The following CACNA2D2 variants were observed in gnomAD, a reference collection of about 807,000 sequenced individuals.
The protein encoded by CACNA2D2 is calcium voltage-gated channel auxiliary subunit alpha2delta 2.
A neutral mutation model predicts 166.4 loss-of-function variants in CACNA2D2; 48 were observed. The observed-to-expected ratio is 0.29, with a 90% confidence interval of 0.23 to 0.37. The LOEUF is 0.37. CACNA2D2 is among the 10% of genes least tolerant of loss of function. The pLI, the probability that CACNA2D2 is intolerant of heterozygous loss-of-function variation, is 1.00. For missense variants in CACNA2D2, 1,122 were observed against 1,433.0 expected, an observed-to-expected ratio of 0.78 and a Z score of 3.50; for synonymous variants, 561 against 573.7, an observed-to-expected ratio of 0.98 and a Z score of 0.32.
intron 3 of CACNA2D2, among the ~76,000 whole-genome samples, chr3:50,410,713 C>G (rs1706970455): frequency 6.6e-6 from 1 of 152,202 alleles, no homozygotes; most frequent in African/African-American, 2.4e-5. Flanking sequence ...AAGTGGGACC[C>G]CTGTGACCAG....
At chr3:50,416,249 A>T (rs922188294) in intron 3 of CACNA2D2, 2 of 152,254 alleles carry the variant, frequency 1.3e-5, no homozygotes, top group African/African-American at 4.8e-5. Flanking sequence ...CCTGGAGGGT[A>T]GAGGGAATTT....
chr3:50,440,193 G>A (rs530400422), intron 2 of CACNA2D2, among the ~76,000 whole-genome samples: 6 of 152,320 alleles, frequency 3.9e-5, no homozygotes, highest in African/African-American at 1.2e-4. Context: ...CACCAGCCAC[G>A]AGACTGGGTG....
intron 2 of CACNA2D2, among the ~76,000 whole-genome samples, chr3:50,471,733 CG>C (rs145058037): frequency 0.088 from 13,325 of 152,210 alleles, 1,770 homozygotes; most frequent in African/African-American, 0.29. Flanking sequence ...CTGAGCCCCT[CG>C]AGAAAGTGGC....
At chr3:50,488,990 G>A (rs188951403) in intron 1 of CACNA2D2, among the ~76,000 whole-genome samples, 93 of 152,236 alleles carry the variant, frequency 6.1e-4, no homozygotes, top group Non-Finnish European at 1.1e-3. Context: ...ATGAGCCACC[G>A]CGCACGTCCT....
At chr3:50,435,111 G>A (rs1708248881) in intron 2 of CACNA2D2, among the ~76,000 whole-genome samples, 1 of 151,430 alleles carries the variant, frequency 6.6e-6, no homozygotes, top group African/African-American at 2.4e-5. Context: ...GTGGGCAGGT[G>A]CATGTGGCAG....
Position 50,365,261 on chromosome 3 carries a change from GC to G in CACNA2D2, c.3099-78del. 1.0e-6 allele frequency: 1 copy of G among 984,878 alleles called. No individual in the cohort carries two copies. The highest frequency in any genetic ancestry group is 1.4e-6 in the Non-Finnish European group (1 of 705,978). The allele number at this position is 984,878 out of a possible 1,614,324, so 61.0% of individuals were successfully genotyped here. ...CCCCCATCCTGCGGCCCCGCCCCCGGCCGCTCGGAGGCCCCGCCCCTTCCAT... is the reference window on the plus strand; with the variant it reads ...CCCCCATCCTGCGGCCCCGCCCCCGGCGCTCGGAGGCCCCGCCCCTTCCAT... On this transcript the variant is annotated intron_variant, in intron 35 of 37. Transcript: ENST00000424201. This position sits in a 1 kb window ranked among gnomAD's most constrained non-coding sequence, Gnocchi z 4.5.
intron 3 of CACNA2D2, among the ~76,000 whole-genome samples, chr3:50,434,088 C>T (rs561499816): frequency 7.9e-5 from 12 of 152,194 alleles, no homozygotes; most frequent in South Asian, 4.1e-4. Context: ...ACACAGAGCC[C>T]CAAGACTCCA....
Position 50,364,704 on chromosome 3 carries a change from G to A in CACNA2D2, c.3394C>T (p.Gln1132Ter). ...GAGGCGTGGACGAGGACTTGAGGCT[G>A]CGGCCGGGGCGGCAGGCCCAGGAGG... ...LLLLGLPPRP[Q>*]PQVLVHASRR... The change falls in exon 38 of 38, where the codon CAG (glutamine) becomes TAG (stop). Residue 1132 changes from glutamine (Q) to a stop codon, truncating the protein, a stop_gained. Transcript: ENST00000424201. LOFTEE classifies it high-confidence loss of function. The A allele has an allele frequency of 6.5e-7, 1 of 1,544,902 alleles. No individual in the cohort carries two copies. Among genetic ancestry groups the A allele is most frequent in the South Asian group, 1.2e-5 (1 of 84,154 alleles).
At chr3:50,370,981 C>T (rs1347234480) in intron 22 of CACNA2D2, among the ~76,000 whole-genome samples, 2 of 152,030 alleles carry the variant, frequency 1.3e-5, no homozygotes, top group Non-Finnish European at 2.9e-5. Context: ...CACAAACAGT[C>T]CAACCAGAGA....
chr3:50,419,256 A>G (rs759596420), intron 3 of CACNA2D2, among the ~76,000 whole-genome samples: 1 of 152,126 alleles, frequency 6.6e-6, no homozygotes, highest in African/African-American at 2.4e-5. Flanking sequence ...CTCCCTTCAG[A>G]GTTAGGGATG....
chr3:50,487,856 C>CTCAT (rs1402078523), intron 1 of CACNA2D2, among the ~76,000 whole-genome samples: 2 of 152,178 alleles, frequency 1.3e-5, no homozygotes, highest in Non-Finnish European at 2.9e-5. Flanking sequence ...CACTCACTCA[C>CTCAT]TCATTCATTC....
At chr3:50,493,444 G>A (rs1414278650) in intron 1 of CACNA2D2, among the ~76,000 whole-genome samples, 3 of 152,230 alleles carry the variant, frequency 2.0e-5, no homozygotes, top group African/African-American at 7.2e-5. Flanking sequence ...TAGTACCTGG[G>A]TCTGCAGATG....
At chr3:50,406,101 G>A (rs1320857586) in intron 3 of CACNA2D2, among the ~76,000 whole-genome samples, 3 of 151,752 alleles carry the variant, frequency 2.0e-5, no homozygotes, top group Admixed American at 2.0e-4. Flanking sequence ...CCCTGGTCTG[G>A]GATCACAGGT....
chr3:50,425,143 C>T (rs1707749957), intron 3 of CACNA2D2, among the ~76,000 whole-genome samples: 1 of 152,146 alleles, frequency 6.6e-6, no homozygotes, highest in South Asian at 2.1e-4. Context: ...AGGCGTAGAA[C>T]CCTGTGCCCT....
chr3:50,503,614 A>G lies in CACNA2D2; in HGVS notation c.-191T>C, dbSNP rs1424695118. 4 of 163,238 alleles carry G rather than the reference A, an allele frequency of 2.5e-5. No homozygotes were observed. The highest frequency in any genetic ancestry group is 3.6e-4 in the East Asian group (2 of 5,580). 10.1% of individuals were successfully genotyped at this position (163,238 alleles called of 1,614,324 possible). On this transcript the variant is annotated 5_prime_UTR_variant, in exon 1 of 38. Transcript: ENST00000424201. ...GGGCTGCGCGCTGCTATCTCCCTGCAGCGCTGGCTCCAAGCGCTCTGAGCG... is the reference window on the plus strand; with the variant it reads ...GGGCTGCGCGCTGCTATCTCCCTGCGGCGCTGGCTCCAAGCGCTCTGAGCG...
At chr3:50,372,309 C>T (rs1704692991) in intron 22 of CACNA2D2, among the ~76,000 whole-genome samples, 1 of 152,220 alleles carries the variant, frequency 6.6e-6, no homozygotes, top group Non-Finnish European at 1.5e-5. Flanking sequence ...TGTCCAGGCC[C>T]CTGGTCCCCA....
chr3:50,500,408 G>A (rs1698911300), intron 1 of CACNA2D2, among the ~76,000 whole-genome samples: 1 of 152,192 alleles, frequency 6.6e-6, no homozygotes, highest in African/African-American at 2.4e-5. Context: ...GGGGGCACTG[G>A]AGAACAGGGC....
In CACNA2D2 at chr3:50,375,635, C is replaced by T. The variant is rs1224616313; in HGVS notation, c.1907+9G>A. 6.2e-7 allele frequency: 1 copy of T among 1,612,892 alleles called. No homozygotes were observed. Among genetic ancestry groups the T allele is most frequent in the Admixed American group, 1.7e-5 (1 of 60,012 alleles). ...CCCTCTCTGCCCGCCCAGCCCTGGC[C>T]TCACTTACCTGTAGTTAGTGCTCCT... On this transcript the variant is annotated intron_variant, in intron 21 of 37. Transcript: ENST00000424201. The surrounding 1 kb of genome is among the most constrained non-coding windows in gnomAD (Gnocchi z 4.0).
chr3:50,445,859 A>C (rs1227612822), intron 2 of CACNA2D2, among the ~76,000 whole-genome samples: 1 of 152,108 alleles, frequency 6.6e-6, no homozygotes, highest in Non-Finnish European at 1.5e-5. Flanking sequence ...CCCAGTCCAT[A>C]GAGGTGCTCC....
Sources: allele counts gnomAD v4.1 joint callset (sites outside exome capture counted in the v4.1 genomes callset), GRCh38; gene constraint gnomAD v4.1.1; non-coding constraint Gnocchi (gnomAD v3.1); transcripts MANE v1.5; gene names NCBI Gene and HGNC (gene_info 2026-07-23, HGNC 2026-07-21).